Variants in DCBLD2 observed in about 807,000 individuals in gnomAD.
The protein encoded by DCBLD2 is discoidin, CUB and LCCL domain-containing protein 2.
A neutral mutation model predicts 86.8 loss-of-function variants in DCBLD2; 54 were observed. That is an observed-to-expected ratio of 0.62 (90% CI 0.50 to 0.78). DCBLD2 has a LOEUF of 0.78. DCBLD2 is among the 30% of genes least tolerant of loss of function. The probability of loss-of-function intolerance (pLI) is 0.00; values close to 1 mark genes in which losing one functional copy is unlikely to be tolerated. For synonymous variants in DCBLD2, 354 were observed against 341.3 expected (o/e 1.04, Z -0.41); for missense variants, 908 against 954.2 (o/e 0.95, Z 0.64).
chr3:98,825,229 A>G (rs1359132809), intron 4 of DCBLD2, 86 bp downstream of exon 4: 1 of 1,020,226 alleles, frequency 9.8e-7, no homozygotes, highest in Non-Finnish European at 1.4e-6. Flanking sequence ...CATTAACCCT[A>G]AGAGTATACA....
intron 3 of DCBLD2, among the ~76,000 whole-genome samples, chr3:98,825,643 TTATATATATATA>T (rs56736194): frequency 0.015 from 1,712 of 115,086 alleles, 38 homozygotes; most frequent in South Asian, 0.049. Flanking sequence ...ATATGTGTAT[TTATATATATATA>T]TATATATATA....
chr3:98,845,088 T>A (rs960014951), intron 3 of DCBLD2, among the ~76,000 whole-genome samples: 18 of 152,182 alleles, frequency 1.2e-4, no homozygotes, highest in African/African-American at 4.3e-4. Flanking sequence ...TTTCTATATA[T>A]CAAATTGCTT....
chr3:98,899,255 TTTTTC>T (rs1328616310), intron 1 of DCBLD2, among the ~76,000 whole-genome samples: 219 of 115,144 alleles, frequency 1.9e-3, no homozygotes, highest in Admixed American at 0.011. Flanking sequence ...TGGCTATTTC[TTTTTC>T]TTTTTTTTTT....
chr3:98,883,379 A>G (rs947037622), intron 1 of DCBLD2, among the ~76,000 whole-genome samples: 6 of 152,282 alleles, frequency 3.9e-5, no homozygotes, highest in South Asian at 4.2e-4. Context: ...TTCCTCCCGC[A>G]CACCTTATTT....
intron 1 of DCBLD2, among the ~76,000 whole-genome samples, chr3:98,884,910 T>G (rs1943533788): frequency 6.6e-6 from 1 of 152,240 alleles, no homozygotes; most frequent in South Asian, 2.1e-4. Context: ...TAAAAATGAT[T>G]TTTACAAAGA....
chr3:98,865,189 T>C (rs1943120677), intron 2 of DCBLD2, among the ~76,000 whole-genome samples: 2 of 151,990 alleles, frequency 1.3e-5, no homozygotes, highest in Admixed American at 6.6e-5. Context: ...TTATTCACAA[T>C]AGCCAAGATA....
intron 12 of DCBLD2, among the ~76,000 whole-genome samples, chr3:98,809,980 C>G (rs1241635824): frequency 6.6e-6 from 1 of 152,104 alleles, no homozygotes; most frequent in Non-Finnish European, 1.5e-5. Context: ...AAAACATCTT[C>G]TTAGGTTCAA....
chr3:98,834,814 T>C (rs1299641925), intron 3 of DCBLD2, among the ~76,000 whole-genome samples: 14 of 152,270 alleles, frequency 9.2e-5, no homozygotes, highest in Non-Finnish European at 1.9e-4. Context: ...TCCTAAAAAG[T>C]TAAAAGCCTC....
intron 3 of DCBLD2, among the ~76,000 whole-genome samples, chr3:98,837,924 C>A (rs1442165836): frequency 3.2e-5 from 3 of 94,286 alleles, no homozygotes; most frequent in African/African-American, 4.6e-5. Context: ...GGGTGCTGAC[C>A]CCCCCATCTC....
chr3:98,864,015 A>G (rs1463280122), intron 2 of DCBLD2, among the ~76,000 whole-genome samples: 2 of 152,078 alleles, frequency 1.3e-5, no homozygotes, highest in African/African-American at 4.8e-5. Context: ...TTACAAGAAA[A>G]AAACAACCCC....
intron 3 of DCBLD2, among the ~76,000 whole-genome samples, chr3:98,845,743 C>A (rs1219837503): frequency 6.6e-6 from 1 of 152,170 alleles, no homozygotes; most frequent in Non-Finnish European, 1.5e-5. Flanking sequence ...TCCCCCAACC[C>A]AATCTACTTC....
intron 7 of DCBLD2, 142 bp downstream of exon 7, chr3:98,820,103 ATAT>A (rs1169172834): frequency 1.1e-5 from 5 of 435,316 alleles, no homozygotes; most frequent in Admixed American, 4.5e-5. Flanking sequence ...TCTATTCATT[ATAT>A]TATTAGATAA....
chr3:98,825,643 T>TTATATATATA (rs56736194), intron 3 of DCBLD2, among the ~76,000 whole-genome samples: 4,609 of 114,090 alleles, frequency 0.04, 173 homozygotes, highest in East Asian at 0.074. Flanking sequence ...ATATGTGTAT[T>TTATATATATA]TATATATATA....
At chr3:98,822,568 CAA>C in intron 5 of DCBLD2, 99 bp downstream of exon 5, 2 of 1,308,466 alleles carry the variant, frequency 1.5e-6, no homozygotes. Flanking sequence ...CTTAAAAAGG[CAA>C]AAGATAAGGA....
At chr3:98,893,750 T>C (rs1943702481) in intron 1 of DCBLD2, among the ~76,000 whole-genome samples, 1 of 152,238 alleles carries the variant, frequency 6.6e-6, no homozygotes, top group East Asian at 1.9e-4. Context: ...GTGTAAAGCA[T>C]GCCAAAACAA....
At chr3:98,858,956 G>A (rs564545499) in intron 2 of DCBLD2, among the ~76,000 whole-genome samples, 18 of 152,268 alleles carry the variant, frequency 1.2e-4, no homozygotes, top group Middle Eastern at 3.4e-3. Context: ...GCGTGGGGTC[G>A]GGGAATTCCC....
At chr3:98,810,555 GA>G (rs1559769899) in intron 12 of DCBLD2, among the ~76,000 whole-genome samples, 2 of 152,002 alleles carry the variant, frequency 1.3e-5, no homozygotes, top group Non-Finnish European at 2.9e-5. Context: ...ACACTTTTTT[GA>G]ATTCAATTGA....
Position 98,822,258 on chromosome 3 carries a change from C to A in DCBLD2, c.800G>T (p.Ser267Ile), listed in dbSNP as rs763767896. ...AGATGTGACGTTGTTAGCCAAAGAA[C>A]TTTCATAATAGGGGATACCTTTACT... ...VISKGIPYYESSLANNVTSVV... is the reference protein window; with the variant it reads ...VISKGIPYYEISLANNVTSVV... The change falls in exon 6 of 16, where the codon AGT becomes ATT. Residue 267 changes from serine (S) to isoleucine (I), a missense_variant. Coordinates refer to ENST00000326840, the MANE Select transcript of DCBLD2 (RefSeq NM_080927.4). 3.7e-6 allele frequency: 6 copies of A among 1,613,906 alleles called. No homozygotes were observed. The highest frequency in any genetic ancestry group is 8.5e-7 in the Non-Finnish European group (1 of 1,179,850).
chr3:98,888,015 C>T (rs1943591978), intron 1 of DCBLD2, among the ~76,000 whole-genome samples: 1 of 152,028 alleles, frequency 6.6e-6, no homozygotes. Context: ...CTGGTAACCA[C>T]TGATCTTTTT....
Sources: gnomAD v4.1 joint callset for allele counts (sites outside exome capture counted in the v4.1 genomes callset) on GRCh38, gnomAD v4.1.1 for gene constraint, MANE v1.5 for transcripts, NCBI Gene and HGNC (gene_info 2026-07-23, HGNC 2026-07-21) for gene names.